The following ASNS variants were observed in gnomAD, a reference collection of about 807,000 sequenced individuals.
ASNS encodes the protein asparagine synthetase (glutamine-hydrolyzing), also known as asparagine synthetase [glutamine-hydrolyzing].
A neutral mutation model predicts 62.6 loss-of-function variants in ASNS; 37 were observed. The ratio of observed to expected loss-of-function variants is 0.59; its 90% CI spans 0.45 to 0.78. The LOEUF is 0.78. ASNS is among the 30% of genes least tolerant of loss of function. ASNS has a pLI of 0.00. For missense variants in ASNS, 520 were observed against 682.4 expected, an observed-to-expected ratio of 0.76 and a Z score of 2.65; for synonymous variants, 207 against 237.9, an observed-to-expected ratio of 0.87 and a Z score of 1.19.
the ASNS span, among the ~76,000 whole-genome samples, chr7:97,905,266 C>G: frequency 1.3e-5 from 2 of 152,174 alleles, no homozygotes; most frequent in Non-Finnish European, 2.9e-5. Flanking sequence ...CTGGACCTTA[C>G]AGTCACCTTC....
At chr7:97,919,070 TA>T in the ASNS span, among the ~76,000 whole-genome samples, 10 of 152,096 alleles carry the variant, frequency 6.6e-5, no homozygotes, top group African/African-American at 2.4e-4. Flanking sequence ...TCTACATAAA[TA>T]TTTTTTTTTT....
the ASNS span, among the ~76,000 whole-genome samples, chr7:97,892,840 A>T: frequency 6.6e-6 from 1 of 152,028 alleles, no homozygotes; most frequent in Non-Finnish European, 1.5e-5. Flanking sequence ...TCTCTTCCAA[A>T]TTTTCCCACA....
At chr7:97,921,211 G>A in the ASNS span, among the ~76,000 whole-genome samples, 1 of 152,160 alleles carries the variant, frequency 6.6e-6, no homozygotes, top group Admixed American at 6.5e-5. Flanking sequence ...ACATTTCAGG[G>A]GTGGCTGGAC....
rs1175740901 is a variant in ASNS, at chr7:97,857,223, C to G, written c.904-407G>C. On this transcript the variant is annotated intron_variant, in intron 7 of 12. Transcript: ENST00000394308. ...ATTCTTATATAGAATGGCCCTTCCC[C>G]TCATTCTGCTTTCCTTGGCTATTTT... Among the ~76,000 whole-genome samples the G allele has an allele frequency of 2.6e-5, 4 of 152,116 alleles. No homozygotes were observed. The East Asian group carries it at 7.7e-4, about 29-fold the overall frequency.
At chr7:97,868,412 G>A (rs1326773554) in intron 3 of ASNS, among the ~76,000 whole-genome samples, 1 of 152,104 alleles carries the variant, frequency 6.6e-6, no homozygotes, top group Non-Finnish European at 1.5e-5. Flanking sequence ...TTTAATAATG[G>A]CATTGATGTT....
intron 4 of ASNS, chr7:97,863,731 G>C (rs1008337077): frequency 1.3e-5 from 2 of 148,908 alleles, no homozygotes; most frequent in Non-Finnish European, 3.0e-5. Context: ...CTAAGGTAAA[G>C]GGCATAGGAT....
At chr7:97,906,674 T>C in the ASNS span, 3 of 156,732 alleles carry the variant, frequency 1.9e-5, no homozygotes, top group African/African-American at 7.2e-5. Flanking sequence ...TATTCTAGGT[T>C]CTCCAGAGAA....
At chr7:97,872,680 T>C (rs1220649674), upstream of ASNS, 1 of 152,302 alleles carries the variant, frequency 6.6e-6, no homozygotes, top group East Asian at 1.9e-4. Flanking sequence ...CTTCTGAACT[T>C]GGTTTGTTCT....
chr7:97,891,969 G>C, the ASNS span, among the ~76,000 whole-genome samples: 1 of 152,186 alleles, frequency 6.6e-6, no homozygotes, highest in African/African-American at 2.4e-5. Context: ...GACTCTATGT[G>C]GGGGCTCCGA....
At chr7:97,883,441 C>T in the ASNS span, among the ~76,000 whole-genome samples, 1 of 149,874 alleles carries the variant, frequency 6.7e-6, no homozygotes, top group Non-Finnish European at 1.5e-5. Flanking sequence ...CATTCAGTGA[C>T]CAAGTCACGT....
At chr7:97,870,606 T>A (rs1397699870) in intron 1 of ASNS, among the ~76,000 whole-genome samples, 1 of 152,228 alleles carries the variant, frequency 6.6e-6, no homozygotes, top group Non-Finnish European at 1.5e-5. Flanking sequence ...TCCATGCACT[T>A]GACCAAATAG....
At chr7:97,852,527 TA>T in intron 12 of ASNS, 59 bp from the exon 13 acceptor site, 1 of 1,503,214 alleles carries the variant, frequency 6.7e-7, no homozygotes, top group Admixed American at 1.7e-5. Flanking sequence ...TACTTGTGTT[TA>T]GTCTCATTTC....
chr7:97,867,651 C>G (rs1332538393), intron 3 of ASNS, among the ~76,000 whole-genome samples: 3 of 152,126 alleles, frequency 2.0e-5, no homozygotes, highest in African/African-American at 7.2e-5. Flanking sequence ...ATTTTTAATA[C>G]TCTCTTCTTC....
At chr7:97,925,302 G>A in the ASNS span, among the ~76,000 whole-genome samples, 5 of 152,124 alleles carry the variant, frequency 3.3e-5, no homozygotes, top group South Asian at 2.1e-4. Flanking sequence ...TTCCAAGACC[G>A]CATTGCTCAT....
At chr7:97,896,378 G>A in the ASNS span, among the ~76,000 whole-genome samples, 842 of 151,208 alleles carry the variant, frequency 5.6e-3, 8 homozygotes, top group African/African-American at 0.019. Flanking sequence ...CACAAGGTCA[G>A]GAGATCGAGA....
the ASNS span, chr7:97,913,030 C>T: frequency 2.0e-5 from 3 of 151,772 alleles, no homozygotes; most frequent in African/African-American, 7.2e-5. Context: ...CTAATCTTGT[C>T]TGCCTAGCAG....
intron 7 of ASNS, among the ~76,000 whole-genome samples, chr7:97,857,138 C>A (rs970025867): frequency 3.2e-4 from 48 of 152,148 alleles, no homozygotes; most frequent in African/African-American, 1.0e-3. Context: ...AACATGGTCC[C>A]ACGCTAAGCT....
At chr7:97,883,985 CT>C in the ASNS span, among the ~76,000 whole-genome samples, 4 of 71,154 alleles carry the variant, frequency 5.6e-5, no homozygotes, top group African/African-American at 3.9e-4. Flanking sequence ...GAGACTCCAT[CT>C]CAAAAAAAAA....
chr7:97,854,975 CTT>C (rs71532083), intron 9 of ASNS: 11,422 of 241,148 alleles, frequency 0.047, 1 homozygote, highest in South Asian at 0.094. Context: ...TTATTTTTAA[CTT>C]TTTTTTTTTT....
Sources: gnomAD v4.1 joint callset for allele counts (sites outside exome capture counted in the v4.1 genomes callset) on GRCh38, gnomAD v4.1.1 for gene constraint, MANE v1.5 for transcripts, NCBI Gene and HGNC (gene_info 2026-07-23, HGNC 2026-07-21) for gene names.